CNTN5: variants seen among roughly 807,000 people sequenced by gnomAD.
CNTN5 encodes the protein contactin 5, also known as contactin-5.
Under a neutral mutation model 129.1 loss-of-function variants are expected in CNTN5, and 77 were observed. That is an observed-to-expected ratio of 0.60 (90% CI 0.50 to 0.72). The LOEUF (loss-of-function observed/expected upper bound fraction) is 0.72. CNTN5 is among the 30% of genes least tolerant of loss of function. The pLI is 0.00. For missense variants in CNTN5, 1,478 were observed against 1,328.8 expected (o/e 1.11, Z -1.75); for synonymous variants, 509 against 465.6 (o/e 1.09, Z -1.20).
chr11:99,543,876 G>T (rs1430859420), intron 2 of CNTN5, among the ~76,000 whole-genome samples: 1 of 129,016 alleles, frequency 7.8e-6, no homozygotes, highest in African/African-American at 2.8e-5. Flanking sequence ...AGCTGAGATT[G>T]CGCCATTGCA....
chr11:99,629,220 A>G (rs1331943372), intron 3 of CNTN5, among the ~76,000 whole-genome samples: 1 of 152,074 alleles, frequency 6.6e-6, no homozygotes, highest in Non-Finnish European at 1.5e-5. Context: ...ATTATTATAT[A>G]AAAGATTGAA....
intron 6 of CNTN5, among the ~76,000 whole-genome samples, chr11:99,871,985 CAT>C (rs1286219113): frequency 6.6e-6 from 1 of 151,468 alleles, no homozygotes; most frequent in African/African-American, 2.4e-5. Context: ...TAAAGAAAAA[CAT>C]AGCCCTTAGA....
intron 1 of CNTN5, among the ~76,000 whole-genome samples, chr11:99,313,561 G>T (rs182997298): frequency 1.3e-5 from 2 of 151,842 alleles, no homozygotes; most frequent in African/African-American, 4.8e-5. Flanking sequence ...GATCCTATCT[G>T]CTCCAGTGAA....
At chr11:99,601,627 A>C (rs959829987) in intron 3 of CNTN5, among the ~76,000 whole-genome samples, 1 of 152,192 alleles carries the variant, frequency 6.6e-6, no homozygotes, top group Non-Finnish European at 1.5e-5. Context: ...TAAACAACGA[A>C]TTTGTATTTC....
At chr11:100,263,420 T>C (rs1950243847) in intron 17 of CNTN5, among the ~76,000 whole-genome samples, 1 of 152,210 alleles carries the variant, frequency 6.6e-6, no homozygotes, top group Admixed American at 6.5e-5. Context: ...GGAGAAAATT[T>C]GTTTATCTAT....
At chr11:99,528,721 GAGCTTTA>G (rs1039833374) in intron 2 of CNTN5, among the ~76,000 whole-genome samples, 4 of 152,190 alleles carry the variant, frequency 2.6e-5, no homozygotes, top group African/African-American at 9.6e-5. Flanking sequence ...AAAGGCCAGT[GAGCTTTA>G]AGTTCTAATG....
chr11:100,304,201 C>T (rs142946521), intron 20 of CNTN5, among the ~76,000 whole-genome samples: 2 of 151,686 alleles, frequency 1.3e-5, no homozygotes, highest in East Asian at 3.9e-4. Context: ...CACTACATAT[C>T]CCAAGATTAC....
intron 16 of CNTN5, among the ~76,000 whole-genome samples, chr11:100,237,446 A>C (rs1441909802): frequency 6.6e-6 from 1 of 152,206 alleles, no homozygotes; most frequent in Non-Finnish European, 1.5e-5. Flanking sequence ...TCACTGAACA[A>C]TACAAAATCC....
intron 15 of CNTN5, among the ~76,000 whole-genome samples, chr11:100,214,360 AG>A (rs1949097947): frequency 2.6e-5 from 4 of 152,294 alleles, no homozygotes; most frequent in African/African-American, 9.6e-5. Flanking sequence ...TAGTCGTGCT[AG>A]GCCTTCTTTC....
intron 21 of CNTN5, among the ~76,000 whole-genome samples, chr11:100,318,909 C>A (rs1004327824): frequency 6.6e-6 from 1 of 152,160 alleles, no homozygotes; most frequent in African/African-American, 2.4e-5. Flanking sequence ...ATAGCCGAGA[C>A]TTTATTTTCC....
intron 3 of CNTN5, among the ~76,000 whole-genome samples, chr11:99,667,101 C>G (rs1031656452): frequency 2.0e-5 from 3 of 151,766 alleles, no homozygotes; most frequent in African/African-American, 7.3e-5. Context: ...GCCAAATTCT[C>G]TAGAAATTAT....
At chr11:99,951,281 A>AC (rs398045478) in intron 7 of CNTN5, among the ~76,000 whole-genome samples, 1 of 151,504 alleles carries the variant, frequency 6.6e-6, no homozygotes, top group Non-Finnish European at 1.5e-5. Flanking sequence ...AAAAAAAAAA[A>AC]CATGAAAAGT....
chr11:99,739,406 G>A (rs1442128654), intron 3 of CNTN5, among the ~76,000 whole-genome samples: 2 of 152,004 alleles, frequency 1.3e-5, no homozygotes, highest in Non-Finnish European at 2.9e-5. Context: ...TTAACTTCAA[G>A]ACAGATTGTA....
At chr11:100,272,343 A>G (rs1426911040) in intron 18 of CNTN5, among the ~76,000 whole-genome samples, 1 of 152,216 alleles carries the variant, frequency 6.6e-6, no homozygotes, top group Non-Finnish European at 1.5e-5. Context: ...ACTAAGAATT[A>G]ACTGTGTCCA....
chr11:99,872,898 TAAG>T (rs1269075509), intron 6 of CNTN5, among the ~76,000 whole-genome samples: 1 of 152,130 alleles, frequency 6.6e-6, no homozygotes, highest in Admixed American at 6.6e-5. Flanking sequence ...ATCTAAAAAA[TAAG>T]AATAACTCTA....
At chr11:99,773,759 C>T (rs1290831366) in intron 3 of CNTN5, among the ~76,000 whole-genome samples, 1 of 151,922 alleles carries the variant, frequency 6.6e-6, no homozygotes, top group Non-Finnish European at 1.5e-5. Flanking sequence ...CCTTGTAAAA[C>T]TCCTTAACTG....
intron 3 of CNTN5, among the ~76,000 whole-genome samples, chr11:99,688,438 A>C (rs6590272): frequency 0.3 from 46,304 of 152,000 alleles, 7,105 homozygotes; most frequent in South Asian, 0.35. Flanking sequence ...AACATGAATT[A>C]TTTACAAAGT....
At chr11:99,063,507 CATAAATAAATAAATAAATAA>C (rs67049549) in intron 1 of CNTN5, among the ~76,000 whole-genome samples, 10,629 of 148,740 alleles carry the variant, frequency 0.071, 875 homozygotes, top group African/African-American at 0.2. Context: ...ACTGAAAACT[CATAAATAAATAAATAAATAA>C]ATAAATAAAT....
intron 1 of CNTN5, among the ~76,000 whole-genome samples, chr11:99,025,467 A>C (rs975022662): frequency 4.0e-5 from 6 of 151,886 alleles, no homozygotes; most frequent in Admixed American, 2.0e-4. Flanking sequence ...AGCTGCTAAC[A>C]ACCCAGAAAG....
Sources: allele counts gnomAD v4.1 joint callset (sites outside exome capture counted in the v4.1 genomes callset), GRCh38; gene constraint gnomAD v4.1.1; transcripts MANE v1.5; gene names NCBI Gene and HGNC (gene_info 2026-07-23, HGNC 2026-07-21).